The following VCL variants were observed in gnomAD, a reference collection of about 807,000 sequenced individuals.
VCL encodes epididymis luminal protein 114.
Under a neutral mutation model 125.7 loss-of-function variants are expected in VCL, and 47 were observed. The ratio of observed to expected loss-of-function variants is 0.37; its 90% CI spans 0.30 to 0.48. The LOEUF (loss-of-function observed/expected upper bound fraction) is 0.48, where lower values mean the gene tolerates loss of function less well. VCL is among the 20% of genes least tolerant of loss of function. The pLI, the probability that VCL is intolerant of heterozygous loss-of-function variation, is 0.99. For missense variants in VCL, 1,069 were observed against 1,455.5 expected (o/e 0.73, Z 4.32); for synonymous variants, 458 against 514.6 (o/e 0.89, Z 1.49).
chr10:74,084,409 A>G (rs952590282), intron 8 of VCL, among the ~76,000 whole-genome samples: 7 of 151,884 alleles, frequency 4.6e-5, no homozygotes, highest in Non-Finnish European at 5.9e-5. Flanking sequence ...CTCCTGCCTT[A>G]ACCTCCCAAG....
chr10:74,025,261 C>T (rs202121238), intron 1 of VCL, among the ~76,000 whole-genome samples: 6 of 152,072 alleles, frequency 3.9e-5, no homozygotes, highest in African/African-American at 1.4e-4. Context: ...AGGTGATCCA[C>T]CCACCTCAGC....
chr10:73,998,183 G>T lies in VCL; in HGVS notation c.-25G>T, dbSNP rs1444351104. 1 of 1,608,986 alleles carries T rather than the reference G, an allele frequency of 6.2e-7. No individual in the cohort carries two copies. The highest frequency in any genetic ancestry group is 1.3e-5 in the African/African-American group (1 of 74,780). On this transcript the variant is annotated 5_prime_UTR_variant, in exon 1 of 22. Coordinates refer to ENST00000211998, the MANE Select transcript of VCL (RefSeq NM_014000.3). ...GGATCCTACTTCTCTGTCGCCCGCGGTTCGCCGCCCCGCTCGCCGCCGCGA... is the reference window on the plus strand; with the variant it reads ...GGATCCTACTTCTCTGTCGCCCGCGTTTCGCCGCCCCGCTCGCCGCCGCGA...
At chr10:74,028,290 C>T (rs1840811012) in intron 1 of VCL, among the ~76,000 whole-genome samples, 1 of 151,768 alleles carries the variant, frequency 6.6e-6, no homozygotes, top group South Asian at 2.1e-4. Context: ...TGCTATGTTG[C>T]CCAGGCTGGT....
At chr10:74,103,685 T>G in intron 14 of VCL, 135 bp from the exon 15 acceptor site, 3 of 800,740 alleles carry the variant, frequency 3.7e-6, no homozygotes, top group South Asian at 1.4e-5. Flanking sequence ...ACCTCATGTA[T>G]TCAGCCTGAA....
intron 2 of VCL, among the ~76,000 whole-genome samples, chr10:74,056,591 C>T (rs947232031): frequency 6.6e-6 from 1 of 152,162 alleles, no homozygotes; most frequent in African/African-American, 2.4e-5. Context: ...AATATTATCA[C>T]ACAGTGTACA....
At chr10:74,080,828 G>GT (rs1419791016) in intron 6 of VCL, among the ~76,000 whole-genome samples, 1 of 152,188 alleles carries the variant, frequency 6.6e-6, no homozygotes, top group African/African-American at 2.4e-5. Context: ...GAGGTTAGGA[G>GT]TTGCCTGGCC....
At chr10:74,108,261 C>T (rs937632172) in intron 17 of VCL, among the ~76,000 whole-genome samples, 8 of 152,138 alleles carry the variant, frequency 5.3e-5, no homozygotes, top group Admixed American at 2.0e-4. Context: ...CATTTAGAAT[C>T]TGGATCTTAG....
At chr10:74,017,046 C>CTTTTTTTTTTTTTTTTTT (rs549275362) in intron 1 of VCL, among the ~76,000 whole-genome samples, 1 of 113,168 alleles carries the variant, frequency 8.8e-6, no homozygotes, top group African/African-American at 4.1e-5. Flanking sequence ...AATTTCCTTC[C>CTTTTTTTTTTTTTTTTTT]TTTTTTTTTT....
chr10:74,048,286 T>C (rs948217303), intron 2 of VCL, among the ~76,000 whole-genome samples: 8 of 151,960 alleles, frequency 5.3e-5, no homozygotes, highest in African/African-American at 1.9e-4. Context: ...CTGGCCAACA[T>C]GGTGAAACCC....
intron 1 of VCL, among the ~76,000 whole-genome samples, chr10:73,999,185 C>T (rs1185329598): frequency 6.6e-6 from 1 of 152,162 alleles, no homozygotes; most frequent in East Asian, 1.9e-4. Context: ...TTTCTAGACT[C>T]GGGGGCCCTC....
chr10:74,028,585 C>CG, intron 1 of VCL, among the ~76,000 whole-genome samples: 1 of 151,882 alleles, frequency 6.6e-6, no homozygotes, highest in South Asian at 2.1e-4. Flanking sequence ...TTAATAGAGA[C>CG]GGGGTTTTAC....
rs1253771786 is a variant in VCL, at chr10:74,103,906, C to T, written c.2109C>T (p.Ile703=). Residue 703 remains isoleucine, a synonymous_variant, in exon 15 of 22, where the codon ATC becomes ATT. Coordinates refer to ENST00000211998, the MANE Select transcript of VCL (RefSeq NM_014000.3). ...TTGAGACCATGAAGAACCAGTGGATCGATAATGTTGAAAAAATGACAGGTA... is the reference window on the plus strand; with the variant it reads ...TTGAGACCATGAAGAACCAGTGGATTGATAATGTTGAAAAAATGACAGGTA... ...EHFETMKNQW[I]DNVEKMTGLV... 7 of 1,613,884 alleles carry T rather than the reference C, an allele frequency of 4.3e-6. No homozygotes were observed. The highest frequency in any genetic ancestry group is 1.7e-5 in the Admixed American group (1 of 60,010).
chr10:74,062,614 T>G (rs1469384168), intron 2 of VCL, among the ~76,000 whole-genome samples: 1 of 152,138 alleles, frequency 6.6e-6, no homozygotes, highest in Non-Finnish European at 1.5e-5. Context: ...AAATAGGGTC[T>G]TATTCTGTCA....
Position 74,101,230 on chromosome 10 carries a change from A to G in VCL, c.2022+133A>G, listed in dbSNP as rs542863064. 1.2e-5 allele frequency: 16 copies of G among 1,315,254 alleles called. No homozygotes were observed. The African/African-American group carries it at 2.0e-4, about 17-fold the overall frequency. 81.5% of individuals were successfully genotyped at this position (1,315,254 alleles called of 1,614,324 possible). On this transcript the variant is annotated intron_variant, in intron 14 of 21. Coordinates refer to ENST00000211998, the MANE Select transcript of VCL (RefSeq NM_014000.3). Reference sequence around the variant, plus strand: ...TACAGGCCAGCACGGTAGCACCTATAATTCCGGCACTTTGGGAGGGTGAGG... The same window carrying G: ...TACAGGCCAGCACGGTAGCACCTATGATTCCGGCACTTTGGGAGGGTGAGG...
At chr10:74,070,586 A>T (rs1841648025) in intron 2 of VCL, 84 bp from the exon 3 acceptor site, 1 of 1,582,396 alleles carries the variant, frequency 6.3e-7, no homozygotes, top group Non-Finnish European at 8.6e-7. Flanking sequence ...CTGTGAATTT[A>T]CATGCATATT....
In VCL at chr10:74,112,101, T is replaced by A. The variant is rs1398667282; in HGVS notation, c.2938T>A (p.Trp980Arg). The A allele has an allele frequency of 6.2e-7, 1 of 1,614,004 alleles. No homozygotes were observed. Among genetic ancestry groups the A allele is most frequent in the Non-Finnish European group, 8.5e-7 (1 of 1,180,014 alleles). ...AQSLHREATKWSSKGNDIIAA... is the reference protein window; with the variant it reads ...AQSLHREATKRSSKGNDIIAA... ...GTCCTTGCATCGGGAAGCTACCAAG[T>A]GGTCTAGTAAGGTACTGATAAGCAC... The change falls in exon 19 of 22, where the codon TGG becomes AGG. Residue 980 changes from tryptophan (W) to arginine (R), a missense_variant. By Grantham distance (101) the Trp-to-Arg change is moderately radical. This residue lies in a region of VCL where 91 missense variants were observed against 203.9 expected (regional missense o/e 0.45). Coordinates refer to ENST00000211998, the MANE Select transcript of VCL (RefSeq NM_014000.3).
chr10:74,114,211 C>T lies in VCL; in HGVS notation c.2977C>T (p.Arg993Cys). The change falls in exon 20 of 22, where the codon CGC (arginine) becomes TGC (cysteine). Residue 993 changes from arginine (R) to cysteine (C), a missense_variant. Physicochemically the swap from Arg to Cys is radical, Grantham distance 180. Coordinates refer to ENST00000211998, the MANE Select transcript of VCL (RefSeq NM_014000.3). ...CAATGACATCATTGCAGCAGCCAAG[C>T]GCATGGCTCTGCTGATGGCTGAGAT... ...KGNDIIAAAKRMALLMAEMSR... is the reference protein window; with the variant it reads ...KGNDIIAAAKCMALLMAEMSR... 1.2e-6 allele frequency: 2 copies of T among 1,613,746 alleles called. No individual in the cohort carries two copies. Among genetic ancestry groups the T allele is most frequent in the Non-Finnish European group, 1.7e-6 (2 of 1,180,014 alleles).
intron 1 of VCL, among the ~76,000 whole-genome samples, chr10:74,020,353 AAAAAG>A (rs1173075724): frequency 6.6e-6 from 1 of 152,200 alleles, no homozygotes; most frequent in Non-Finnish European, 1.5e-5. Context: ...TCTCACTTGG[AAAAAG>A]AAAAACTAAA....
intron 1 of VCL, among the ~76,000 whole-genome samples, chr10:74,026,783 C>T (rs1840779747): frequency 6.6e-6 from 1 of 152,162 alleles, no homozygotes; most frequent in Non-Finnish European, 1.5e-5. Context: ...GGTAACAGCA[C>T]AGTGAGGTGA....
Sources: allele counts gnomAD v4.1 joint callset (sites outside exome capture counted in the v4.1 genomes callset), GRCh38; gene constraint gnomAD v4.1.1; regional missense constraint gnomAD v4.1.1; transcripts MANE v1.5; gene names NCBI Gene and HGNC (gene_info 2026-07-23, HGNC 2026-07-21).